ENPP2: variants seen among roughly 807,000 people sequenced by gnomAD.
The protein encoded by ENPP2 is autotaxin.
ENPP2 carries 51 observed loss-of-function variants against 120.2 expected under a neutral mutation model. The ratio of observed to expected loss-of-function variants is 0.42; its 90% CI spans 0.34 to 0.54. ENPP2 has a LOEUF of 0.54. Among genes scored for constraint, ENPP2 ranks in the 20% least tolerant of loss-of-function variants. The pLI, the probability that ENPP2 is intolerant of heterozygous loss-of-function variation, is 0.04. For missense variants in ENPP2, 920 were observed against 1,066.5 expected (o/e 0.86, Z 1.91); for synonymous variants, 365 against 366.4 (o/e 1.00, Z 0.04).
intron 24 of ENPP2, among the ~76,000 whole-genome samples, chr8:119,557,943 A>G (rs1219947979): frequency 6.6e-6 from 1 of 152,214 alleles, no homozygotes; most frequent in Non-Finnish European, 1.5e-5. Context: ...GTGGTGTCAG[A>G]GGGCATTTGA....
At chr8:119,560,001 G>A (rs1301961416) in intron 24 of ENPP2, among the ~76,000 whole-genome samples, 1 of 152,110 alleles carries the variant, frequency 6.6e-6, no homozygotes, top group East Asian at 1.9e-4. Context: ...AACCTGTAAG[G>A]ACTTCAGTGG....
chr8:119,630,109 C>A (rs1816558584), intron 2 of ENPP2, among the ~76,000 whole-genome samples: 1 of 151,340 alleles, frequency 6.6e-6, no homozygotes. Flanking sequence ...TTCCCTATTT[C>A]TTTCTTTTTT....
intron 18 of ENPP2, chr8:119,580,677 GCA>G (rs1812667781): frequency 6.6e-6 from 1 of 152,598 alleles, no homozygotes; most frequent in Non-Finnish European, 1.5e-5. Context: ...AATGTCTGTG[GCA>G]ACATTGTTGT....
intron 21 of ENPP2, among the ~76,000 whole-genome samples, chr8:119,568,804 G>C (rs1020647888): frequency 1.3e-5 from 2 of 152,036 alleles, no homozygotes; most frequent in Non-Finnish European, 2.9e-5. Flanking sequence ...TTGCTATGTT[G>C]TCCAGGCTCA....
At chr8:119,633,001 G>C (rs1587540061) in intron 2 of ENPP2, among the ~76,000 whole-genome samples, 2 of 152,338 alleles carry the variant, frequency 1.3e-5, no homozygotes, top group Non-Finnish European at 2.9e-5. Context: ...GTTGCAGTGA[G>C]CCGAGATCAT....
Position 119,582,510 on chromosome 8 carries a change from C to G in ENPP2, c.1636G>C (p.Glu546Gln), listed in dbSNP as rs754645181. 54 of 1,613,928 alleles carry G rather than the reference C, an allele frequency of 3.3e-5. No individual in the cohort carries two copies. Among genetic ancestry groups the G allele is most frequent in the Non-Finnish European group, 4.4e-5 (52 of 1,179,900 alleles). ...RTNTFRPTMP[E>Q]EVTRPNYPGI... ...GGATAATTGGGTCTGGTAACTTCCT[C>G]TGGCATGGTTGGCCTGAAGGTATTA... is the stretch of plus-strand genomic sequence containing the variant. The change falls in exon 18 of 25, where the codon GAG (glutamate) becomes CAG (glutamine). Residue 546 changes from glutamate to glutamine, a missense_variant. Coordinates refer to ENST00000075322, the MANE Select transcript of ENPP2 (RefSeq NM_001040092.3).
At chr8:119,643,183 C>G (rs1177201912), upstream of ENPP2, among the ~76,000 whole-genome samples, 1 of 152,138 alleles carries the variant, frequency 6.6e-6, no homozygotes, top group Non-Finnish European at 1.5e-5. Context: ...TTAAGTTTTG[C>G]TGTGGTTGAG....
intron 4 of ENPP2, among the ~76,000 whole-genome samples, chr8:119,620,833 G>C (rs1815842826): frequency 6.6e-6 from 1 of 152,162 alleles, no homozygotes; most frequent in African/African-American, 2.4e-5. Flanking sequence ...CCCTTTACCA[G>C]CAAGTACCCC....
chr8:119,592,473 CAAAAAAAAAA>C (rs61330053), intron 12 of ENPP2, among the ~76,000 whole-genome samples: 5 of 54,936 alleles, frequency 9.1e-5, no homozygotes, highest in African/African-American at 3.6e-4. Context: ...AACTCCACCT[CAAAAAAAAAA>C]AAAAAAAAAA....
chr8:119,600,745 GAA>G lies in ENPP2; in HGVS notation c.903_904del (p.Ser302GlyfsTer7). The G allele has an allele frequency of 6.2e-7, 1 of 1,602,696 alleles. No individual in the cohort carries two copies. Among genetic ancestry groups the G allele is most frequent in the Non-Finnish European group, 8.5e-7 (1 of 1,169,894 alleles). On this transcript the variant is annotated frameshift_variant, in exon 11 of 25. Transcript: ENST00000075322. LOFTEE classifies it high-confidence loss of function. ...TTGCTCAGAATAGAAGGCATAGACCGAAGGCCTATAAGAAAATTGGAAGGTTC... is the reference window on the plus strand; with the variant it reads ...TTGCTCAGAATAGAAGGCATAGACCGGGCCTATAAGAAAATTGGAAGGTTC...
intron 8 of ENPP2, among the ~76,000 whole-genome samples, chr8:119,615,149 C>A (rs916726409): frequency 6.6e-6 from 1 of 152,018 alleles, no homozygotes; most frequent in African/African-American, 2.4e-5. Context: ...GGTACAAGAT[C>A]ATTGAGGCAT....
At chr8:119,632,909 A>T (rs1252418921) in intron 2 of ENPP2, among the ~76,000 whole-genome samples, 1 of 152,212 alleles carries the variant, frequency 6.6e-6, no homozygotes, top group Non-Finnish European at 1.5e-5. Flanking sequence ...ATCTTTACTA[A>T]AAATACAAAA....
At chr8:119,599,163 T>C (rs139779582) in intron 11 of ENPP2, among the ~76,000 whole-genome samples, 1 of 152,346 alleles carries the variant, frequency 6.6e-6, no homozygotes, top group East Asian at 1.9e-4. Context: ...TTTTATCATT[T>C]GTGTTTCACA....
chr8:119,598,073 A>G (rs1359210273), intron 11 of ENPP2, among the ~76,000 whole-genome samples: 3 of 152,258 alleles, frequency 2.0e-5, no homozygotes, highest in Non-Finnish European at 4.4e-5. Flanking sequence ...ATATATAGGT[A>G]GGCATATAGG....
intron 6 of ENPP2, 36 bp from the exon 7 acceptor site, chr8:119,617,279 C>A (rs760474768): frequency 6.6e-7 from 1 of 1,517,830 alleles, no homozygotes; most frequent in Non-Finnish European, 9.2e-7. Flanking sequence ...AACAAGAGAA[C>A]CAACAGGAAT....
At chr8:119,563,492 G>A (rs1814139756) in intron 23 of ENPP2, among the ~76,000 whole-genome samples, 1 of 152,014 alleles carries the variant, frequency 6.6e-6, no homozygotes. Flanking sequence ...AATGGACAGG[G>A]GCAAGAGACA....
At chr8:119,559,836 G>A (rs565067526) in intron 24 of ENPP2, among the ~76,000 whole-genome samples, 3 of 152,298 alleles carry the variant, frequency 2.0e-5, no homozygotes, top group Non-Finnish European at 4.4e-5. Flanking sequence ...CCCCAGGTTT[G>A]TGAATTCAAG....
intron 1 of ENPP2, among the ~76,000 whole-genome samples, chr8:119,644,406 T>C (rs966552877): frequency 2.0e-4 from 30 of 151,492 alleles, no homozygotes; most frequent in Admixed American, 1.8e-3. Context: ...CCTGAATTAA[T>C]AGATACTTAA....
chr8:119,623,827 T>A (rs1816084539), intron 3 of ENPP2, among the ~76,000 whole-genome samples: 1 of 152,164 alleles, frequency 6.6e-6, no homozygotes, highest in Non-Finnish European at 1.5e-5. Flanking sequence ...GATTTCATCA[T>A]GCTGGCCAGG....
Sources: allele counts gnomAD v4.1 joint callset (sites outside exome capture counted in the v4.1 genomes callset), GRCh38; gene constraint gnomAD v4.1.1; transcripts MANE v1.5; gene names NCBI Gene and HGNC (gene_info 2026-07-23, HGNC 2026-07-21).